Variants in NOX1 observed in about 807,000 individuals in gnomAD.
NOX1 encodes the protein NADPH oxidase 1, also known as NADH/NADPH mitogenic oxidase subunit P65-MOX.
Under a neutral mutation model 42.5 loss-of-function variants are expected in NOX1, and 34 were observed. The observed-to-expected ratio is 0.80, with a 90% CI of 0.61 to 1.07. The LOEUF is 1.07. Ranked by LOEUF, NOX1 falls within the 50% of genes least tolerant of loss-of-function variation. The pLI, the probability that NOX1 is intolerant of heterozygous loss-of-function variation, is 0.00. For synonymous variants in NOX1, 143 were observed against 152.5 expected (o/e 0.94, Z 0.46); for missense variants, 408 against 427.0 (o/e 0.96, Z 0.39).
intron 7 of NOX1, among the ~76,000 whole-genome samples, chrX:100,858,681 T>A (rs1478388343): frequency 9.0e-6 from 1 of 111,349 alleles, no homozygotes; most frequent in Non-Finnish European, 1.9e-5. Context: ...GTATTTTATT[T>A]TTTTTGTGGC....
chrX:100,866,663 C>T (rs2085240266), intron 2 of NOX1, among the ~76,000 whole-genome samples: 1 of 107,860 alleles, frequency 9.3e-6, no homozygotes, highest in South Asian at 4.1e-4. Context: ...GCTTTGATCT[C>T]ATTGGAAGCA....
chrX:100,849,836 G>A lies in NOX1; in HGVS notation c.1232C>T (p.Ala411Val). The part of the protein sequence containing the change: ...VGAGIGVTPF[A>V]SILKSIWYKF... ...GTACCAGATGGATTTCAAGATAGAAGCAAAGGGGGTGACCCCAATTCCTGC... is the reference window on the plus strand; with the variant it reads ...GTACCAGATGGATTTCAAGATAGAAACAAAGGGGGTGACCCCAATTCCTGC... The change falls in exon 10 of 13, where the codon GCT (alanine) becomes GTT (valine). Residue 411 changes from alanine to valine, a missense_variant. Coordinates refer to ENST00000372966, the MANE Select transcript of NOX1 (RefSeq NM_007052.5). The A allele has an allele frequency of 8.3e-7, 1 of 1,211,172 alleles. No individual in the cohort carries two copies. Among genetic ancestry groups the A allele is most frequent in the Admixed American group, 2.2e-5 (1 of 46,005 alleles).
chrX:100,863,647 C>A (rs748097066), intron 2 of NOX1, 52 bp from the exon 3 acceptor site: 1 of 1,158,236 alleles, frequency 8.6e-7, no homozygotes, highest in East Asian at 3.2e-5. Context: ...CACCATCTAG[C>A]ACGTGAGCAA....
At chrX:100,866,401 GA>G (rs2085237765) in intron 2 of NOX1, among the ~76,000 whole-genome samples, 1 of 109,626 alleles carries the variant, frequency 9.1e-6, no homozygotes, top group South Asian at 3.9e-4. Context: ...ATATGAAAAT[GA>G]AAAAGTGAAT....
At chrX:100,863,027 A>T (rs1023116765) in intron 4 of NOX1, 132 bp downstream of exon 4, 5 of 614,440 alleles carry the variant, frequency 8.1e-6, no homozygotes, top group Admixed American at 5.1e-5. Flanking sequence ...CCATGAAAAC[A>T]GGCCAAGAAC....
At chrX:100,855,484 C>G in intron 7 of NOX1, 1 of 751,345 alleles carries the variant, frequency 1.3e-6, no homozygotes, top group Non-Finnish European at 2.1e-6. Context: ...CTTCCACCAC[C>G]TCCAAAATTG....
intron 2 of NOX1, among the ~76,000 whole-genome samples, chrX:100,865,571 G>C (rs779893403): frequency 2.7e-5 from 3 of 112,541 alleles, no homozygotes; most frequent in African/African-American, 9.7e-5. Flanking sequence ...ATTGTTATCT[G>C]TATTTTCCCA....
intron 12 of NOX1, among the ~76,000 whole-genome samples, chrX:100,844,731 C>T (rs1249152342): frequency 8.9e-6 from 1 of 112,428 alleles, no homozygotes; most frequent in African/African-American, 3.2e-5. Context: ...CAATGTCCGA[C>T]AAGGGAAAAT....
Position 100,862,163 on chromosome X carries a change from G to T in NOX1, c.804+8C>A. On this transcript the variant is annotated splice_region_variant and intron_variant, in intron 7 of 12. Transcript: ENST00000372966. ...ACAAGAGTCTGTCCTTGCCCGTAGG[G>T]CTCTTACCTCAGGGGGATGCCCTTC... The T allele has an allele frequency of 8.3e-7, 1 of 1,211,155 alleles. No individual in the cohort carries two copies. The highest frequency in any genetic ancestry group is 1.1e-6 in the Non-Finnish European group (1 of 894,812).
At chrX:100,853,442 G>A (rs1602385211) in intron 7 of NOX1, among the ~76,000 whole-genome samples, 1 of 74,310 alleles carries the variant, frequency 1.3e-5, no homozygotes, top group Admixed American at 1.6e-4. Flanking sequence ...TTTTGACAGA[G>A]TCTCACTCCG....
intron 12 of NOX1, among the ~76,000 whole-genome samples, chrX:100,844,592 C>T (rs1357393830): frequency 9.0e-6 from 1 of 110,914 alleles, no homozygotes; most frequent in East Asian, 2.8e-4. Context: ...ACCAGCATGC[C>T]CAGCTAAATT....
rs1461696955 is a variant in NOX1, at chrX:100,853,266, C to A, written c.805-1941G>T. Among the ~76,000 whole-genome samples, 52 of 26,924 alleles carry A rather than the reference C, an allele frequency of 1.9e-3. 3 individuals are homozygous for A. Among genetic ancestry groups the A allele is most frequent in the African/African-American group, 8.5e-3 (52 of 6,082 alleles). The allele number at this position is 26,924 out of a possible 115,157, so 23.4% of individuals were successfully genotyped here. On this transcript the variant is annotated intron_variant, in intron 7 of 12. Transcript: ENST00000372966. ...CTTTCCTTCCTTCCTTCCTTCCTTT[C>A]TTTCTTTCTTTCTTTCTTTCTTTCT...
intron 7 of NOX1, among the ~76,000 whole-genome samples, chrX:100,860,599 G>C (rs1046738404): frequency 1.8e-5 from 2 of 111,364 alleles, no homozygotes; most frequent in African/African-American, 6.5e-5. Flanking sequence ...AGATTATTCT[G>C]TTCACATCTT....
chrX:100,854,845 A>G (rs1377962035), intron 7 of NOX1, among the ~76,000 whole-genome samples: 2 of 111,628 alleles, frequency 1.8e-5, no homozygotes, highest in African/African-American at 3.3e-5. Flanking sequence ...AGCAGGTTGT[A>G]TATAAATTCC....
At chrX:100,867,762 A>AGAAG (rs1325332167) in intron 2 of NOX1, among the ~76,000 whole-genome samples, 2 of 99,860 alleles carry the variant, frequency 2.0e-5, no homozygotes, top group East Asian at 3.0e-4. Flanking sequence ...AAAGAAAGAA[A>AGAAG]GAAGGAAGGA....
chrX:100,860,196 C>T (rs1193295485), intron 7 of NOX1, among the ~76,000 whole-genome samples: 1 of 111,965 alleles, frequency 8.9e-6, no homozygotes, highest in East Asian at 2.8e-4. Flanking sequence ...TATTCCACTG[C>T]ATGAAAGTCC....
chrX:100,862,931 G>A (rs751036219), intron 4 of NOX1, 111 bp from the exon 5 acceptor site: 2 of 764,718 alleles, frequency 2.6e-6, no homozygotes, highest in African/African-American at 2.1e-5. Context: ...AGAATGCTGA[G>A]TGCACAGAAG....
chrX:100,861,352 A>G (rs1176653584), intron 7 of NOX1, among the ~76,000 whole-genome samples: 1 of 111,733 alleles, frequency 8.9e-6, no homozygotes, highest in Non-Finnish European at 1.9e-5. Flanking sequence ...CCTGTTCCAG[A>G]TGAGAACTAA....
intron 7 of NOX1, among the ~76,000 whole-genome samples, chrX:100,853,894 A>G (rs1184839309): frequency 3.6e-5 from 4 of 112,079 alleles, no homozygotes; most frequent in African/African-American, 1.3e-4. Context: ...TGTAATCCCA[A>G]CACTTTGGGA....
Sources: gnomAD v4.1 joint callset for allele counts (sites outside exome capture counted in the v4.1 genomes callset) on GRCh38, gnomAD v4.1.1 for gene constraint, MANE v1.5 for transcripts, NCBI Gene and HGNC (gene_info 2026-07-23, HGNC 2026-07-21) for gene names.